NTN4: variants seen among roughly 807,000 people sequenced by gnomAD.
NTN4 encodes netrin-4.
Under a neutral mutation model 73.6 loss-of-function variants are expected in NTN4, and 32 were observed. The ratio of observed to expected loss-of-function variants is 0.44; its 90% CI spans 0.33 to 0.58. The LOEUF (loss-of-function observed/expected upper bound fraction) is 0.58. Among genes scored for constraint, NTN4 ranks in the 20% least tolerant of loss-of-function variants. The pLI, the probability that NTN4 is intolerant of heterozygous loss-of-function variation, is 0.04. For synonymous variants in NTN4, 258 were observed against 287.5 expected (o/e 0.90, Z 1.04); for missense variants, 654 against 798.3 (o/e 0.82, Z 2.18).
chr12:95,726,299 G>A (rs1413032018), intron 3 of NTN4, among the ~76,000 whole-genome samples: 1 of 152,046 alleles, frequency 6.6e-6, no homozygotes, highest in Non-Finnish European at 1.5e-5. Context: ...GCTGATACCT[G>A]CCAATCACCA....
At position 95,787,060 on chromosome 12, in the gene NTN4, T is replaced by C; in HGVS notation, c.464A>G (p.Lys155Arg). The change falls in exon 2 of 10, where the codon AAG becomes AGG. Residue 155 changes from lysine (K) to arginine (R), a missense_variant. By Grantham distance (26) the Lys-to-Arg change is conservative. Coordinates refer to ENST00000343702, the MANE Select transcript of NTN4 (RefSeq NM_021229.4). ...DRSQDFGKTW[K>R]PYKYFATNCS... Reference sequence around the variant, plus strand: ...GTTAGTCGCAAAGTACTTATAAGGCTTCCATGTTTTCCCAAAGTCCTGGGA... The same window carrying C: ...GTTAGTCGCAAAGTACTTATAAGGCCTCCATGTTTTCCCAAAGTCCTGGGA... 6.2e-7 allele frequency: 1 copy of C among 1,614,190 alleles called. No homozygotes were observed. The highest frequency in any genetic ancestry group is 8.5e-7 in the Non-Finnish European group (1 of 1,180,028).
chr12:95,748,188 G>A (rs1472308889), intron 2 of NTN4, among the ~76,000 whole-genome samples: 1 of 135,862 alleles, frequency 7.4e-6, no homozygotes, highest in Non-Finnish European at 1.5e-5. Context: ...CCGAGATCAT[G>A]CCACTGCAAT....
intron 5 of NTN4, among the ~76,000 whole-genome samples, chr12:95,706,303 A>G (rs1341816598): frequency 6.8e-6 from 1 of 146,252 alleles, no homozygotes; most frequent in African/African-American, 2.5e-5. Flanking sequence ...AAAAACTAAA[A>G]CAAAATAAAC....
chr12:95,786,996 C>G lies in NTN4; in HGVS notation c.528G>C (p.Lys176Asn), dbSNP rs566292000. ...ATTTAGAAGTACAAATAGCGCCCTT[C>G]TTGACAACATCATCTTCCAGGCCAA... ...ATFGLEDDVV[K>N]KGAICTSKYS... Residue 176 changes from lysine (K) to asparagine (N), a missense_variant, in exon 2 of 10, where the codon AAG becomes AAC. Lys to Asn is a moderately conservative substitution (Grantham distance 94). Coordinates refer to ENST00000343702, the MANE Select transcript of NTN4 (RefSeq NM_021229.4). 1.2e-6 allele frequency: 2 copies of G among 1,614,096 alleles called. No homozygotes were observed. Among genetic ancestry groups the G allele is most frequent in the Non-Finnish European group, 1.7e-6 (2 of 1,180,036 alleles).
At chr12:95,744,320 G>A (rs919204021) in intron 2 of NTN4, among the ~76,000 whole-genome samples, 10 of 152,136 alleles carry the variant, frequency 6.6e-5, no homozygotes, top group African/African-American at 2.2e-4. Flanking sequence ...ATAGCCACTC[G>A]AGCTTTCTTT....
chr12:95,696,723 G>A (rs1370090017), intron 5 of NTN4, among the ~76,000 whole-genome samples: 1 of 152,070 alleles, frequency 6.6e-6, no homozygotes, highest in Non-Finnish European at 1.5e-5. Flanking sequence ...TGTAGTACTG[G>A]ATACTGGATA....
At chr12:95,754,989 A>G (rs1479811072) in intron 2 of NTN4, among the ~76,000 whole-genome samples, 1 of 152,234 alleles carries the variant, frequency 6.6e-6, no homozygotes, top group Non-Finnish European at 1.5e-5. Flanking sequence ...CACATTCACA[A>G]CTGTTCTGAT....
chr12:95,720,877 T>C (rs2078642959), intron 3 of NTN4, among the ~76,000 whole-genome samples: 1 of 152,234 alleles, frequency 6.6e-6, no homozygotes, highest in African/African-American at 2.4e-5. Context: ...GCTCTTACTA[T>C]ATACCCAGGC....
At position 95,779,307 on chromosome 12, in the gene NTN4, A is replaced by G. The variant is rs2079116131; in HGVS notation, c.585+7632T>C. Among the ~76,000 whole-genome samples the G allele has an allele frequency of 2.6e-5, 4 of 152,230 alleles. No homozygotes were observed. The South Asian group carries it at 8.3e-4, about 32-fold the overall frequency. ...CAACATAGTGTTGGAAGTTCTGGCC[A>G]TGGCAATCAGGCAGGAGAAAGAAAT... On this transcript the variant is annotated intron_variant, in intron 2 of 9. Coordinates refer to ENST00000343702, the MANE Select transcript of NTN4 (RefSeq NM_021229.4).
At chr12:95,764,676 C>CAAAAAA (rs11326708) in intron 2 of NTN4, among the ~76,000 whole-genome samples, 1 of 98,876 alleles carries the variant, frequency 1.0e-5, no homozygotes, top group Non-Finnish European at 2.1e-5. Context: ...CCGCCCCGAC[C>CAAAAAA]AAAAAAAAAA....
At chr12:95,694,339 G>C (rs1347852059) in intron 5 of NTN4, among the ~76,000 whole-genome samples, 1 of 152,072 alleles carries the variant, frequency 6.6e-6, no homozygotes, top group Non-Finnish European at 1.5e-5. Flanking sequence ...CCCTCCGCGC[G>C]GCCACTCCCT....
chr12:95,682,985 A>G (rs1022300812), intron 6 of NTN4, among the ~76,000 whole-genome samples, 163 bp from the exon 7 acceptor site: 42 of 152,246 alleles, frequency 2.8e-4, no homozygotes, highest in African/African-American at 9.2e-4. Flanking sequence ...TTATTTTGCA[A>G]AATGAATTAG....
At chr12:95,707,055 T>C (rs1385673313) in intron 5 of NTN4, among the ~76,000 whole-genome samples, 1 of 152,236 alleles carries the variant, frequency 6.6e-6, no homozygotes, top group African/African-American at 2.4e-5. Context: ...CAACTAAAGC[T>C]GAATGCTGAA....
chr12:95,761,361 C>G (rs188069864), intron 2 of NTN4, among the ~76,000 whole-genome samples: 10 of 135,334 alleles, frequency 7.4e-5, no homozygotes, highest in Middle Eastern at 8.5e-3. Flanking sequence ...GAGTCTCGCT[C>G]TGTCTCCCAG....
chr12:95,768,518 T>C (rs1271503323), intron 2 of NTN4, among the ~76,000 whole-genome samples: 1 of 151,716 alleles, frequency 6.6e-6, no homozygotes, highest in East Asian at 1.9e-4. Context: ...GCCCAACAGA[T>C]CCAGCTAGAG....
intron 2 of NTN4, among the ~76,000 whole-genome samples, chr12:95,744,660 C>T (rs2078848823): frequency 6.6e-6 from 1 of 152,106 alleles, no homozygotes; most frequent in South Asian, 2.1e-4. Context: ...CTTTAAAAAG[C>T]CAACTAATTA....
At chr12:95,757,097 C>T (rs1289473839) in intron 2 of NTN4, among the ~76,000 whole-genome samples, 1 of 152,144 alleles carries the variant, frequency 6.6e-6, no homozygotes, top group Non-Finnish European at 1.5e-5. Context: ...GTGAGTGAGA[C>T]ATGAGTGCAG....
At chr12:95,695,858 A>G (rs774879853) in intron 5 of NTN4, among the ~76,000 whole-genome samples, 1 of 152,188 alleles carries the variant, frequency 6.6e-6, no homozygotes, top group Non-Finnish European at 1.5e-5. Flanking sequence ...GCACTTTTGC[A>G]TATACAGACA....
At chr12:95,669,199 C>G (rs901300054) in intron 8 of NTN4, among the ~76,000 whole-genome samples, 11 of 143,804 alleles carry the variant, frequency 7.6e-5, no homozygotes, top group African/African-American at 2.8e-4. Flanking sequence ...CAAAGCGAGA[C>G]TCTGTCTAAA....
Sources: gnomAD v4.1 joint callset for allele counts (sites outside exome capture counted in the v4.1 genomes callset) on GRCh38, gnomAD v4.1.1 for gene constraint, MANE v1.5 for transcripts, NCBI Gene and HGNC (gene_info 2026-07-23, HGNC 2026-07-21) for gene names.